KLHL35: variants seen among roughly 807,000 people sequenced by gnomAD.
KLHL35 encodes the protein kelch like family member 35, also known as kelch-like protein 35.
In KLHL35, 50 loss-of-function variants were observed where a neutral mutation model predicts 44.0. That is an observed-to-expected ratio of 1.14 (90% CI 0.91 to 1.44). The LOEUF (loss-of-function observed/expected upper bound fraction) is 1.44. Ranked by LOEUF, KLHL35 falls within the 40% of genes most tolerant of loss-of-function variation. The pLI, the probability that KLHL35 is intolerant of heterozygous loss-of-function variation, is 0.00. For missense variants in KLHL35, 1,049 were observed against 887.8 expected (o/e 1.18, Z -2.31); for synonymous variants, 470 against 410.4 (o/e 1.15, Z -1.76).
At position 75,425,530 on chromosome 11, in the gene KLHL35, G is replaced by A. The variant is rs1189138181; in HGVS notation, c.1237C>T (p.Arg413Cys). Reference sequence around the variant, plus strand: ...CAGGTGTTGGAGAAGGGGTCGTAGCGCTCCACGCTGTGCAGGCGCCTCAGG... The same window carrying A: ...CAGGTGTTGGAGAAGGGGTCGTAGCACTCCACGCTGTGCAGGCGCCTCAGG... ...DGLRRLHSVE[R>C]YDPFSNTWAA... Residue 413 changes from arginine (R) to cysteine (C), a missense_variant, in exon 5 of 7, where the codon CGC becomes TGC. Transcript: ENST00000539798. 1.0e-5 allele frequency: 16 copies of A among 1,543,596 alleles called. No individual in the cohort carries two copies. The East Asian group carries it at 1.4e-4, about 14-fold the overall frequency.
rs1232750429 is a variant in KLHL35 at position 75,429,829 on chromosome 11, C to G, written c.801G>C (p.Glu267Asp). The change falls in exon 2 of 7, where the codon GAG becomes GAC. Residue 267 changes from glutamate to aspartate, a missense_variant. Physicochemically the swap from Glu to Asp is conservative, Grantham distance 45. Coordinates refer to ENST00000539798, the MANE Select transcript of KLHL35 (RefSeq NM_001039548.3). ...EADELLQACG[E>D]CRPLLLEARA... The stretch of plus-strand genomic sequence containing the variant: ...GAGCCTCGAGCAGCAGCGGGCGGCA[C>G]TCGCCGCAGGCCTGCAGCAGCTCGT... The G allele has an allele frequency of 6.6e-7, 1 of 1,512,414 alleles. No individual in the cohort carries two copies. The highest frequency in any genetic ancestry group is 8.8e-7 in the Non-Finnish European group (1 of 1,137,894). 93.7% of individuals were successfully genotyped at this position (1,512,414 alleles called of 1,614,324 possible). A position where few individuals can be genotyped will look rare whatever the true frequency, so the allele number is the denominator to read the frequency against.
At position 75,430,312 on chromosome 11, in the gene KLHL35, C is replaced by T. The variant is rs1021456317; in HGVS notation, c.318G>A (p.Val106=). ...CGCCCGCTCCGTACACGTAGTCGAGCACCACGGCCAGCGCCGCCGCCGCCC... is the reference window on the plus strand; with the variant it reads ...CGCCCGCTCCGTACACGTAGTCGAGTACCACGGCCAGCGCCGCCGCCGCCC... The part of the protein sequence containing the change: ...PAGAAAALAV[V]LDYVYGAGVR... The change falls in exon 2 of 7, where the codon GTG becomes GTA. Residue 106 remains valine (V), a synonymous_variant. Transcript: ENST00000539798. 23 of 1,251,568 alleles carry T rather than the reference C, an allele frequency of 1.8e-5. No individual in the cohort carries two copies. Among genetic ancestry groups the T allele is most frequent in the Non-Finnish European group, 2.1e-5 (21 of 998,948 alleles). 77.5% of individuals were successfully genotyped at this position (1,251,568 alleles called of 1,614,324 possible).
Position 75,429,880 on chromosome 11 carries a change from A to AGCGGGCGCCAGTAGCG in KLHL35, c.734_749dup (p.Tyr251AlafsTer55). On this transcript the variant is annotated frameshift_variant, in exon 2 of 7. Transcript: ENST00000539798. LOFTEE classifies it high-confidence loss of function. ...CCGCCTCCACCTTCTCCAGGAAGTA[A>AGCGGGCGCCAGTAGCG]GCGGGCGCCAGTAGCGGCAGGCGCA... is the stretch of plus-strand genomic sequence containing the variant. 3 of 1,520,278 alleles carry AGCGGGCGCCAGTAGCG rather than the reference A, an allele frequency of 2.0e-6. No homozygotes were observed. Among genetic ancestry groups the AGCGGGCGCCAGTAGCG allele is most frequent in the Non-Finnish European group, 1.7e-6 (2 of 1,144,234 alleles). The allele number at this position is 1,520,278 out of a possible 1,614,324, so 94.2% of individuals were successfully genotyped here. A position where few individuals can be genotyped will look rare whatever the true frequency, so the allele number is the denominator to read the frequency against.
At chr11:75,427,226 A>G (rs185899290) in intron 3 of KLHL35, among the ~76,000 whole-genome samples, 9 of 152,360 alleles carry the variant, frequency 5.9e-5, no homozygotes, top group African/African-American at 1.7e-4. Flanking sequence ...GCCTTTTGTC[A>G]GAGCCAGAAC....
Position 75,429,756 on chromosome 11 carries a change from G to A in KLHL35, c.874C>T (p.Pro292Ser), listed in dbSNP as rs1948517697. ...AGGGGATGGCGGCCCTACCTCCGCG[G>A]CCGGGTCCGCAGCGCACCGGCCTCG... The part of the protein sequence containing the change: ...GREAGALRTR[P>S]RRFMDLAEVI... The change falls in exon 2 of 7, where the codon CCG becomes TCG. Residue 292 changes from proline to serine, a missense_variant. Coordinates refer to ENST00000539798, the MANE Select transcript of KLHL35 (RefSeq NM_001039548.3). 6.1e-6 allele frequency: 9 copies of A among 1,467,822 alleles called. No individual in the cohort carries two copies. The highest frequency in any genetic ancestry group is 2.5e-5 in the Admixed American group (1 of 39,314). The allele number at this position is 1,467,822 out of a possible 1,614,324, so 90.9% of individuals were successfully genotyped here.
intron 6 of KLHL35, 103 bp from the exon 7 acceptor site, chr11:75,422,871 A>G (rs1487594770): frequency 3.4e-5 from 36 of 1,056,704 alleles, no homozygotes; most frequent in Non-Finnish European, 5.0e-5. Flanking sequence ...CAGACTGTGA[A>G]CAGGCAATCT....
chr11:75,428,161 G>A (rs1948505699), intron 3 of KLHL35, among the ~76,000 whole-genome samples: 1 of 152,160 alleles, frequency 6.6e-6, no homozygotes, highest in African/African-American at 2.4e-5. Flanking sequence ...CATAATGTTC[G>A]GCACATAGTA....
intron 3 of KLHL35, 56 bp from the exon 4 acceptor site, chr11:75,426,694 C>G (rs1033238583): frequency 3.4e-5 from 43 of 1,262,238 alleles, no homozygotes; most frequent in Non-Finnish European, 4.2e-5. Context: ...CCAAGCACCC[C>G]CAAAGAGCTA....
In KLHL35 at chr11:75,428,551, G is replaced by C. The variant is rs762248976; in HGVS notation, c.957C>G (p.Ala319=). The C allele has an allele frequency of 4.3e-6, 7 of 1,611,648 alleles. No individual in the cohort carries two copies. The highest frequency in any genetic ancestry group is 5.9e-6 in the Non-Finnish European group (7 of 1,179,776). ...DRKGLLKLPF[A]DAYHPESQRW... The stretch of plus-strand genomic sequence containing the variant: ...GCTGGCTCTCTGGATGGTAGGCATC[G>C]GCGAAGGGCAGCTTCAGGAGACCTT... The change falls in exon 3 of 7, where the codon GCC becomes GCG. Residue 319 remains alanine (A), a synonymous_variant. Coordinates refer to ENST00000539798, the MANE Select transcript of KLHL35 (RefSeq NM_001039548.3).
In KLHL35 at chr11:75,429,882, C is replaced by T. The variant is rs777520459; in HGVS notation, c.748G>A (p.Ala250Thr). The T allele has an allele frequency of 1.3e-6, 2 of 1,519,976 alleles. No homozygotes were observed. The highest frequency in any genetic ancestry group is 2.8e-5 in the East Asian group (1 of 36,352). The allele number at this position is 1,519,976 out of a possible 1,614,324, so 94.2% of individuals were successfully genotyped here. ...GCCTCCACCTTCTCCAGGAAGTAAG[C>T]GGGCGCCAGTAGCGGCAGGCGCACG... ...EHVRLPLLAP[A>T]YFLEKVEADE... Residue 250 changes from alanine to threonine, a missense_variant, in exon 2 of 7, where the codon GCT becomes ACT. Ala to Thr is a moderately conservative substitution (Grantham distance 58). Transcript: ENST00000539798.
chr11:75,426,865 G>T (rs1054534416), intron 3 of KLHL35: 2 of 419,868 alleles, frequency 4.8e-6, no homozygotes, highest in East Asian at 8.0e-5. Context: ...ACACATTCAG[G>T]AAGAAGGGGC....
intron 2 of KLHL35, among the ~76,000 whole-genome samples, chr11:75,429,391 C>T (rs1948515035): frequency 6.6e-6 from 1 of 152,222 alleles, no homozygotes; most frequent in Non-Finnish European, 1.5e-5. Flanking sequence ...TTCACTACTT[C>T]CCCATGCCCC....
intron 1 of KLHL35, among the ~76,000 whole-genome samples, 169 bp from the exon 2 acceptor site, chr11:75,430,799 A>G (rs1245754200): frequency 6.6e-6 from 1 of 152,170 alleles, no homozygotes. Flanking sequence ...CCGCCTCACC[A>G]GCGCGACATT....
intron 1 of KLHL35, among the ~76,000 whole-genome samples, chr11:75,432,137 C>T (rs1386398749): frequency 2.0e-5 from 3 of 152,230 alleles, no homozygotes; most frequent in African/African-American, 7.2e-5. Flanking sequence ...ACAGGGAGCT[C>T]CCTCCTTTCC....
chr11:75,427,831 C>T (rs773589773), intron 3 of KLHL35, among the ~76,000 whole-genome samples: 6 of 152,324 alleles, frequency 3.9e-5, no homozygotes, highest in Non-Finnish European at 8.8e-5. Flanking sequence ...TCTATGAACC[C>T]TGGCTAGATT....
In KLHL35 at chr11:75,425,776, C is replaced by T. The variant is rs577027637; in HGVS notation, c.1186-195G>A. The T allele has an allele frequency of 1.9e-4, 85 of 450,880 alleles. No homozygotes were observed. The Middle Eastern group carries it at 2.3e-3, about 12-fold the overall frequency. The allele number at this position is 450,880 out of a possible 1,614,324, so 27.9% of individuals were successfully genotyped here. On this transcript the variant is annotated intron_variant, in intron 4 of 6. Coordinates refer to ENST00000539798, the MANE Select transcript of KLHL35 (RefSeq NM_001039548.3). ...ACCCAGTTGCTGTACCTCCCTGAGC[C>T]GGTTTCCTCTCATTTAGCGGGGATG...
In KLHL35 at chr11:75,430,278, G is replaced by A. The variant is rs1488590813; in HGVS notation, c.352C>T (p.Arg118Cys). ...ACGGCCGCCGCCTCGTCCTCCGCGC[G>A]CAGCCGCACGCCCGCTCCGTACACG... ...DYVYGAGVRL[R>C]AEDEAAAVLA... Residue 118 changes from arginine to cysteine, a missense_variant, in exon 2 of 7, where the codon CGC becomes TGC. Physicochemically the swap from Arg to Cys is radical, Grantham distance 180. Coordinates refer to ENST00000539798, the MANE Select transcript of KLHL35 (RefSeq NM_001039548.3). The A allele has an allele frequency of 8.3e-7, 1 of 1,205,356 alleles. No homozygotes were observed. The allele number at this position is 1,205,356 out of a possible 1,614,324, so 74.7% of individuals were successfully genotyped here.
Position 75,422,445 on chromosome 11 carries a change from A to G in KLHL35, c.*135T>C, listed in dbSNP as rs1187887242. ...AGACTGCAGCTGGAACACAGACCCA[A>G]CAAGATTTTATTTATACAAGAAAAG... On this transcript the variant is annotated 3_prime_UTR_variant, in exon 7 of 7. Transcript: ENST00000539798. The G allele has an allele frequency of 1.3e-6, 1 of 778,720 alleles. No homozygotes were observed. Among genetic ancestry groups the G allele is most frequent in the Non-Finnish European group, 2.0e-6 (1 of 496,866 alleles). The allele number at this position is 778,720 out of a possible 1,614,324, so 48.2% of individuals were successfully genotyped here.
rs374939539 is a variant in KLHL35 at position 75,428,467 on chromosome 11, A to G, written c.1041T>C (p.Ala347=). 39 of 1,612,500 alleles carry G rather than the reference A, an allele frequency of 2.4e-5. No homozygotes were observed. In the African/African-American group the frequency reaches 2.8e-4, roughly 12 times the overall value. The part of the protein sequence containing the change: ...GYTRSEFAAC[A]LRNDVYVSGG... ...CGGAGACGTAGACGTCATTGCGGAG[A>G]GCACAGGCGGCGAATTCTGAGCGAG... The change falls in exon 3 of 7, where the codon GCT becomes GCC. Residue 347 remains alanine (A), a synonymous_variant. Transcript: ENST00000539798.
Sources: allele counts gnomAD v4.1 joint callset (sites outside exome capture counted in the v4.1 genomes callset), GRCh38; gene constraint gnomAD v4.1.1; transcripts MANE v1.5; gene names NCBI Gene and HGNC (gene_info 2026-07-23, HGNC 2026-07-21).